Variants in TP63 observed in about 807,000 individuals in gnomAD.
TP63 encodes tumor protein 63.
In TP63, 17 loss-of-function variants were observed where a neutral mutation model predicts 82.8. The observed-to-expected ratio is 0.21, with a 90% CI of 0.14 to 0.31. The LOEUF is 0.31. Among genes scored for constraint, TP63 ranks in the 10% least tolerant of loss-of-function variants. The pLI, the probability that TP63 is intolerant of heterozygous loss-of-function variation, is 1.00. For missense variants in TP63, 648 were observed against 895.3 expected, an observed-to-expected ratio of 0.72 and a Z score of 3.52; for synonymous variants, 330 against 321.7, an observed-to-expected ratio of 1.03 and a Z score of -0.28.
intron 3 of TP63, among the ~76,000 whole-genome samples, chr3:189,770,020 G>A (rs549579703): frequency 6.6e-6 from 1 of 152,132 alleles, no homozygotes; most frequent in Non-Finnish European, 1.5e-5. Flanking sequence ...ATACGTTTTT[G>A]TGTGTTAAAC....
intron 1 of TP63, among the ~76,000 whole-genome samples, chr3:189,699,336 G>A (rs1249630553): frequency 6.6e-6 from 1 of 152,100 alleles, no homozygotes. Flanking sequence ...TGCTCTTTAC[G>A]TGCAAGTTTC....
At chr3:189,865,295 G>T (rs1190815801) in intron 5 of TP63, among the ~76,000 whole-genome samples, 2 of 152,214 alleles carry the variant, frequency 1.3e-5, no homozygotes, top group Admixed American at 6.5e-5. Flanking sequence ...AAAGGACTGG[G>T]AGTGGAGGGA....
intron 1 of TP63, among the ~76,000 whole-genome samples, chr3:189,711,877 G>T: frequency 6.6e-6 from 1 of 152,188 alleles, no homozygotes. Flanking sequence ...GAGATAGGTA[G>T]GCTGATGGAA....
chr3:189,871,658 C>T (rs1015485953), intron 9 of TP63, among the ~76,000 whole-genome samples: 2 of 152,206 alleles, frequency 1.3e-5, no homozygotes, highest in African/African-American at 4.8e-5. Context: ...ACACCCAAGG[C>T]AATGCAGTTG....
chr3:189,838,214 G>A (rs1560239479), intron 4 of TP63, among the ~76,000 whole-genome samples: 2 of 150,970 alleles, frequency 1.3e-5, no homozygotes, highest in Non-Finnish European at 2.9e-5. Flanking sequence ...CTACCTTTTT[G>A]TTGTTGCTGT....
At chr3:189,798,695 G>A (rs1015926460) in intron 3 of TP63, among the ~76,000 whole-genome samples, 5 of 152,004 alleles carry the variant, frequency 3.3e-5, no homozygotes, top group African/African-American at 1.2e-4. Flanking sequence ...TCTCTATAGT[G>A]TTATCACTAA....
intron 1 of TP63, among the ~76,000 whole-genome samples, chr3:189,691,338 C>CAAAAAAAAAA (rs781098833): frequency 8.9e-5 from 6 of 67,102 alleles, no homozygotes; most frequent in African/African-American, 1.1e-4. Context: ...GACTCCATCT[C>CAAAAAAAAAA]AAAAAAAAAA....
chr3:189,830,918 T>A (rs980283782), intron 4 of TP63, among the ~76,000 whole-genome samples: 20 of 151,786 alleles, frequency 1.3e-4, no homozygotes, highest in African/African-American at 4.6e-4. Context: ...CACAAAGGAG[T>A]TGTGTAGGAT....
intron 3 of TP63, among the ~76,000 whole-genome samples, chr3:189,761,253 A>G (rs1722549060): frequency 1.3e-5 from 2 of 152,198 alleles, no homozygotes; most frequent in Admixed American, 1.3e-4. Context: ...TTGCATTGTC[A>G]GGCTGCAAAT....
At chr3:189,851,286 C>T (rs1715592372) in intron 4 of TP63, among the ~76,000 whole-genome samples, 2 of 152,132 alleles carry the variant, frequency 1.3e-5, no homozygotes, top group Admixed American at 6.6e-5. Flanking sequence ...CAGCCAGGCG[C>T]GGTGGCTCAC....
chr3:189,813,098 T>C (rs921383887), intron 4 of TP63, among the ~76,000 whole-genome samples: 1 of 152,174 alleles, frequency 6.6e-6, no homozygotes, highest in Admixed American at 6.5e-5. Flanking sequence ...TTTAAGAACC[T>C]GTTGATTTTT....
intron 1 of TP63, among the ~76,000 whole-genome samples, chr3:189,641,759 G>C (rs1157720897): frequency 6.6e-6 from 1 of 152,014 alleles, no homozygotes. Context: ...ATTTCCTTGG[G>C]ATAGTTCAAT....
intron 10 of TP63, among the ~76,000 whole-genome samples, chr3:189,878,015 A>G (rs980363175): frequency 6.6e-6 from 1 of 152,094 alleles, no homozygotes; most frequent in African/African-American, 2.4e-5. Context: ...TGTGCCTGGC[A>G]CGTTTTTCTG....
intron 1 of TP63, among the ~76,000 whole-genome samples, chr3:189,635,329 G>GTTA (rs1729707316): frequency 6.6e-6 from 1 of 152,110 alleles, no homozygotes; most frequent in African/African-American, 2.4e-5. Context: ...TGACAATGAA[G>GTTA]TTACAGTGGA....
intron 3 of TP63, among the ~76,000 whole-genome samples, chr3:189,748,390 G>T (rs28817057): frequency 6.6e-6 from 1 of 151,112 alleles, no homozygotes; most frequent in Non-Finnish European, 1.5e-5. Flanking sequence ...CTATACATCA[G>T]TAACAAACTA....
chr3:189,881,047 C>T (rs1284419906), intron 10 of TP63: 3 of 985,218 alleles, frequency 3.0e-6, no homozygotes, highest in Non-Finnish European at 3.6e-6. Context: ...TTATTCAAAG[C>T]TCAAAATAGA....
chr3:189,762,692 A>T (rs1722667882), intron 3 of TP63, among the ~76,000 whole-genome samples: 1 of 152,230 alleles, frequency 6.6e-6, no homozygotes, highest in Non-Finnish European at 1.5e-5. Flanking sequence ...TGGCAAAAGA[A>T]CTAAAATGTC....
chr3:189,709,030 ATAGT>A (rs1187216336), intron 1 of TP63, among the ~76,000 whole-genome samples: 1 of 152,158 alleles, frequency 6.6e-6, no homozygotes, highest in African/African-American at 2.4e-5. Context: ...TTATCCCCAT[ATAGT>A]TAGTTAGATT....
chr3:189,713,496 A>T (rs1718745875), intron 1 of TP63, among the ~76,000 whole-genome samples: 1 of 152,148 alleles, frequency 6.6e-6, no homozygotes, highest in Non-Finnish European at 1.5e-5. Context: ...GGTAATCTCA[A>T]ATGTACTTCA....
Sources: gnomAD v4.1 joint callset for allele counts (sites outside exome capture counted in the v4.1 genomes callset) on GRCh38, gnomAD v4.1.1 for gene constraint, MANE v1.5 for transcripts, NCBI Gene and HGNC (gene_info 2026-07-23, HGNC 2026-07-21) for gene names.